Variants in CNTN1 observed in about 807,000 individuals in gnomAD.
CNTN1 encodes the protein contactin 1.
In CNTN1, 38 loss-of-function variants were observed where a neutral mutation model predicts 126.4. The ratio of observed to expected loss-of-function variants is 0.30; its 90% confidence interval spans 0.23 to 0.39. The LOEUF (loss-of-function observed/expected upper bound fraction) is 0.39. Among genes scored for constraint, CNTN1 ranks in the 10% least tolerant of loss-of-function variants. The probability of loss-of-function intolerance (pLI) is 1.00; values close to 1 mark genes in which losing one functional copy is unlikely to be tolerated. For missense variants in CNTN1, 1,009 were observed against 1,248.4 expected (o/e 0.81, Z 2.89); for synonymous variants, 413 against 422.6 (o/e 0.98, Z 0.28).
At chr12:41,049,930 C>T (rs1019580799) in intron 23 of CNTN1, among the ~76,000 whole-genome samples, 8 of 152,186 alleles carry the variant, frequency 5.3e-5, no homozygotes, top group Non-Finnish European at 1.2e-4. Flanking sequence ...TGGAGTCTTG[C>T]TCTATCACCC....
intron 1 of CNTN1, among the ~76,000 whole-genome samples, chr12:40,761,155 AC>A (rs1938851008): frequency 6.6e-6 from 1 of 152,176 alleles, no homozygotes; most frequent in South Asian, 2.1e-4. Context: ...TTTGGAAAAT[AC>A]TGACTTAATT....
chr12:40,754,438 C>T (rs745663712), intron 1 of CNTN1, among the ~76,000 whole-genome samples: 4 of 152,004 alleles, frequency 2.6e-5, no homozygotes, highest in Non-Finnish European at 4.4e-5. Context: ...AATGTAAATG[C>T]TATGTAAATA....
At chr12:40,978,239 T>C (rs1263981063) in intron 15 of CNTN1, among the ~76,000 whole-genome samples, 1 of 152,092 alleles carries the variant, frequency 6.6e-6, no homozygotes, top group Non-Finnish European at 1.5e-5. Flanking sequence ...AATTCTAAAA[T>C]CCCTGTTTTT....
chr12:40,993,333 T>C (rs1162685554), intron 17 of CNTN1, 64 bp downstream of exon 17: 1 of 1,340,036 alleles, frequency 7.5e-7, no homozygotes, highest in South Asian at 1.2e-5. Context: ...CTTTCATATA[T>C]GGTTGAATGT....
chr12:41,007,043 TG>T (rs1266179259), intron 17 of CNTN1, among the ~76,000 whole-genome samples: 32 of 129,646 alleles, frequency 2.5e-4, no homozygotes, highest in East Asian at 4.7e-4. Context: ...CAGTTTTGTG[TG>T]GTTTTTTTTT....
At position 41,053,428 on chromosome 12, in the gene CNTN1, A is replaced by AATATATATATATATATAT. The variant is rs66808071; in HGVS notation, c.2981-16508_2981-16491dup. Among the ~76,000 whole-genome samples the AATATATATATATATATAT allele has an allele frequency of 5.4e-3, 349 of 64,070 alleles. 19 individuals carry two copies. Among genetic ancestry groups the AATATATATATATATATAT allele is most frequent in the South Asian group, 6.9e-3 (14 of 2,024 alleles). 42.0% of individuals were successfully genotyped at this position (64,070 alleles called of 152,430 possible). ...TTTTGTCTCTTTCATGTTTTCACTA[A>AATATATATATATATATAT]ATATATATATATATATATATATATA... On this transcript the variant is annotated intron_variant, in intron 23 of 23. Coordinates refer to ENST00000551295, the MANE Select transcript of CNTN1 (RefSeq NM_001843.4).
intron 1 of CNTN1, among the ~76,000 whole-genome samples, chr12:40,873,237 T>A (rs1943565329): frequency 6.6e-6 from 1 of 152,162 alleles, no homozygotes; most frequent in African/African-American, 2.4e-5. Flanking sequence ...TATTTTAACC[T>A]TTTTACACAC....
chr12:40,864,872 T>C (rs986717006), intron 1 of CNTN1, among the ~76,000 whole-genome samples: 3 of 152,158 alleles, frequency 2.0e-5, no homozygotes, highest in Non-Finnish European at 2.9e-5. Context: ...TGCTGGGGCA[T>C]ATGGTAACTC....
Position 40,701,135 on chromosome 12 carries a change from C to T in CNTN1, c.-77+8543C>T, listed in dbSNP as rs185534898. On this transcript the variant is annotated intron_variant, in intron 1 of 23. Transcript: ENST00000551295. ...TTAAAATGCTGCTATTCTAAGTGAC[C>T]GGAATCTATCCCTAGACCCTCAAAT... Among the ~76,000 whole-genome samples, 268 of 152,184 alleles carry T rather than the reference C, an allele frequency of 1.8e-3. 2 individuals carry two copies. In the East Asian group the frequency reaches 0.021, roughly 12 times the overall value.
intron 14 of CNTN1, among the ~76,000 whole-genome samples, chr12:40,952,045 T>C (rs962512945): frequency 1.3e-5 from 2 of 152,028 alleles, no homozygotes; most frequent in Non-Finnish European, 2.9e-5. Context: ...TTTCTACTTA[T>C]GCTTGAAAAT....
intron 1 of CNTN1, among the ~76,000 whole-genome samples, chr12:40,840,049 C>T (rs1942214430): frequency 6.6e-6 from 1 of 152,022 alleles, no homozygotes; most frequent in African/African-American, 2.4e-5. Flanking sequence ...AAGTTATAGA[C>T]TGGCTGAATA....
intron 1 of CNTN1, among the ~76,000 whole-genome samples, chr12:40,731,849 A>G (rs918732244): frequency 6.6e-6 from 1 of 152,056 alleles, no homozygotes; most frequent in African/African-American, 2.4e-5. Context: ...AACTGTGGTT[A>G]TCTCTGACTG....
intron 1 of CNTN1, among the ~76,000 whole-genome samples, chr12:40,713,304 G>A (rs892449012): frequency 1.7e-4 from 26 of 151,090 alleles, no homozygotes; most frequent in African/African-American, 6.1e-4. Context: ...CTCAAGTCAT[G>A]GATTGATATA....
At chr12:40,890,254 C>G (rs190997607) in intron 1 of CNTN1, among the ~76,000 whole-genome samples, 1 of 152,194 alleles carries the variant, frequency 6.6e-6, no homozygotes, top group Admixed American at 6.5e-5. Context: ...TTCTCATATA[C>G]CCCTTGTCTC....
rs759858739 is a variant in CNTN1 at position 40,910,111 on chromosome 12, T to C, written c.94+6T>C. On this transcript the variant is annotated splice_donor_region_variant and intron_variant, in intron 3 of 23. Coordinates refer to ENST00000551295, the MANE Select transcript of CNTN1 (RefSeq NM_001843.4). ...TAGAAGATATGGTCATGGAGGTAAG[T>C]TGACCAAAGAGTAGACCTTGTAAAC... 1.2e-6 allele frequency: 2 copies of C among 1,601,982 alleles called. No individual in the cohort carries two copies. Among genetic ancestry groups the C allele is most frequent in the East Asian group, 4.5e-5 (2 of 44,638 alleles).
At chr12:40,884,106 G>C (rs1312956790) in intron 1 of CNTN1, among the ~76,000 whole-genome samples, 1 of 151,434 alleles carries the variant, frequency 6.6e-6, no homozygotes, top group East Asian at 1.9e-4. Context: ...GTTGTTATAG[G>C]TTTGTTCTGA....
intron 1 of CNTN1, among the ~76,000 whole-genome samples, chr12:40,829,760 T>A (rs1227281870): frequency 6.6e-6 from 1 of 152,156 alleles, no homozygotes; most frequent in Non-Finnish European, 1.5e-5. Flanking sequence ...TTACTACCTA[T>A]ATATCTTAGA....
At chr12:40,937,484 A>G (rs1402584514) in intron 10 of CNTN1, 86 bp from the exon 11 acceptor site, 2 of 884,802 alleles carry the variant, frequency 2.3e-6, no homozygotes, top group Non-Finnish European at 3.8e-6. Flanking sequence ...AATGTATCTA[A>G]ATGAAAAGAC....
At chr12:40,822,430 A>G (rs1435438515) in intron 1 of CNTN1, among the ~76,000 whole-genome samples, 2 of 151,846 alleles carry the variant, frequency 1.3e-5, no homozygotes, top group Non-Finnish European at 2.9e-5. Flanking sequence ...GCTGGGAAAA[A>G]ATATTATTAT....
Sources: allele counts gnomAD v4.1 joint callset (sites outside exome capture counted in the v4.1 genomes callset), GRCh38; gene constraint gnomAD v4.1.1; transcripts MANE v1.5; gene names NCBI Gene and HGNC (gene_info 2026-07-23, HGNC 2026-07-21).